GCLC: variants seen among roughly 807,000 people sequenced by gnomAD.
GCLC encodes glutamate--cysteine ligase catalytic subunit.
A neutral mutation model predicts 81.5 loss-of-function variants in GCLC; 30 were observed. The ratio of observed to expected loss-of-function variants is 0.37; its 90% CI spans 0.28 to 0.50. The LOEUF is 0.50. GCLC is among the 20% of genes least tolerant of loss of function. The pLI is 0.96. For synonymous variants in GCLC, 262 were observed against 273.3 expected, an observed-to-expected ratio of 0.96 and a Z score of 0.41; for missense variants, 556 against 777.4, an observed-to-expected ratio of 0.72 and a Z score of 3.39.
chr6:53,507,607 GTTC>G lies in GCLC; in HGVS notation c.954_956del (p.Lys318del). ...GGGATTTACTGATCCTATAGTTATT[GTTC>G]TTCAATGGCTAAAGATTAAAAATAT... On this transcript the variant is annotated inframe_deletion, in exon 9 of 16. Coordinates refer to ENST00000650454, the MANE Select transcript of GCLC (RefSeq NM_001498.4). The G allele has an allele frequency of 6.8e-7, 1 of 1,478,458 alleles. No homozygotes were observed. The highest frequency in any genetic ancestry group is 9.4e-7 in the Non-Finnish European group (1 of 1,058,994). 91.6% of individuals were successfully genotyped at this position (1,478,458 alleles called of 1,614,324 possible).
chr6:53,512,844 T>C (rs1394588420), intron 6 of GCLC: 1 of 152,210 alleles, frequency 6.6e-6, no homozygotes, highest in Non-Finnish European at 1.5e-5. Context: ...TGGTTTAATA[T>C]TAAACCAAGA....
At chr6:53,521,897 C>T (rs748744330) in intron 2 of GCLC, among the ~76,000 whole-genome samples, 2 of 152,152 alleles carry the variant, frequency 1.3e-5, no homozygotes, top group Non-Finnish European at 2.9e-5. Flanking sequence ...TGGCGTGAAG[C>T]CAGGAGGTGG....
chr6:53,539,593 G>A (rs974819447), intron 1 of GCLC, among the ~76,000 whole-genome samples: 13 of 146,860 alleles, frequency 8.9e-5, no homozygotes, highest in Admixed American at 3.5e-4. Flanking sequence ...CCTATGGCGC[G>A]TTTTAAGTTC....
In GCLC at chr6:53,544,877, A is replaced by C; in HGVS notation, c.-232T>G. 2.6e-6 allele frequency: 1 copy of C among 378,602 alleles called. No individual in the cohort carries two copies. Among genetic ancestry groups the C allele is most frequent in the Non-Finnish European group, 4.7e-6 (1 of 213,382 alleles). 23.5% of individuals were successfully genotyped at this position (378,602 alleles called of 1,614,324 possible). ...CGACGCACCGCGCGGAGGCGAAGGCAGAAGACCGAGAGCAGGCGGGACGGC... is the reference window on the plus strand; with the variant it reads ...CGACGCACCGCGCGGAGGCGAAGGCCGAAGACCGAGAGCAGGCGGGACGGC... On this transcript the variant is annotated 5_prime_UTR_variant, in exon 1 of 16. Transcript: ENST00000650454.
intron 3 of GCLC, among the ~76,000 whole-genome samples, chr6:53,519,548 C>G (rs1762948544): frequency 6.6e-6 from 1 of 152,156 alleles, no homozygotes; most frequent in East Asian, 1.9e-4. Flanking sequence ...CTTCAACCCC[C>G]CAGCTCCACA....
At chr6:53,526,725 G>A (rs955735028) in intron 1 of GCLC, among the ~76,000 whole-genome samples, 1 of 150,888 alleles carries the variant, frequency 6.6e-6, no homozygotes, top group Non-Finnish European at 1.5e-5. Context: ...GTGAACTCAG[G>A]AGGCAGAGCT....
At chr6:53,538,379 T>C (rs1390177709) in intron 1 of GCLC, among the ~76,000 whole-genome samples, 1 of 150,294 alleles carries the variant, frequency 6.7e-6, no homozygotes, top group Admixed American at 6.7e-5. Context: ...CAGGCTGGAG[T>C]GCAGTGGCGC....
At chr6:53,521,409 C>T (rs1192905721) in intron 2 of GCLC, among the ~76,000 whole-genome samples, 2 of 152,086 alleles carry the variant, frequency 1.3e-5, no homozygotes, top group Non-Finnish European at 2.9e-5. Flanking sequence ...CCTGCCTCGG[C>T]CTCCCAAAGT....
At chr6:53,535,670 T>C (rs1763245997) in intron 1 of GCLC, among the ~76,000 whole-genome samples, 1 of 152,140 alleles carries the variant, frequency 6.6e-6, no homozygotes, top group Non-Finnish European at 1.5e-5. Flanking sequence ...TTTAACACAC[T>C]TCACAAAAAA....
intron 1 of GCLC, among the ~76,000 whole-genome samples, chr6:53,530,549 G>A (rs1321940852): frequency 6.6e-6 from 1 of 152,176 alleles, no homozygotes. Context: ...ATCAAATGAG[G>A]TCAGCCTGAT....
At chr6:53,512,250 C>A (rs1764767643) in intron 6 of GCLC, among the ~76,000 whole-genome samples, 1 of 152,110 alleles carries the variant, frequency 6.6e-6, no homozygotes, top group Admixed American at 6.5e-5. Context: ...TGGCTGTGAA[C>A]TTGGTGCTTT....
intron 4 of GCLC, among the ~76,000 whole-genome samples, chr6:53,514,720 GT>G (rs1303910969): frequency 6.6e-6 from 1 of 152,162 alleles, no homozygotes; most frequent in African/African-American, 2.4e-5. Flanking sequence ...CGAGAATGCC[GT>G]TCTGTCTCCT....
Position 53,520,972 on chromosome 6 carries a change from A to G in GCLC, c.264-12T>C. ...AAAGGGTAGGATGGCTACGGAGGAG[A>G]AATAACTTAGTTCCATCTTATTCTT... is the stretch of plus-strand genomic sequence containing the variant. On this transcript the variant is annotated splice_polypyrimidine_tract_variant and intron_variant, in intron 2 of 15. Coordinates refer to ENST00000650454, the MANE Select transcript of GCLC (RefSeq NM_001498.4). The G allele has an allele frequency of 6.2e-7, 1 of 1,604,178 alleles. No individual in the cohort carries two copies.
intron 8 of GCLC, 73 bp from the exon 9 acceptor site, chr6:53,507,691 T>C: frequency 1.5e-6 from 1 of 646,008 alleles, no homozygotes; most frequent in Non-Finnish European, 2.5e-6. Flanking sequence ...ATATGATAAT[T>C]ATATAAAAAC....
chr6:53,501,105 G>A (rs765635512), intron 12 of GCLC: 28 of 168,406 alleles, frequency 1.7e-4, no homozygotes, highest in Non-Finnish European at 2.8e-4. Context: ...TTTTAGTAGA[G>A]ACGGGGTTTC....
chr6:53,543,966 A>AGT (rs909904661), intron 1 of GCLC, among the ~76,000 whole-genome samples: 3 of 152,178 alleles, frequency 2.0e-5, no homozygotes, highest in Admixed American at 2.0e-4. Context: ...ATAGCTATGA[A>AGT]GTGTGTGTGT....
At chr6:53,522,922 G>T in intron 1 of GCLC, 2 of 229,018 alleles carry the variant, frequency 8.7e-6, no homozygotes, top group Admixed American at 5.2e-5. Context: ...GAGGTTATCT[G>T]GACATTCCAG....
intron 1 of GCLC, among the ~76,000 whole-genome samples, chr6:53,533,966 G>T (rs894393300): frequency 1.3e-5 from 2 of 151,932 alleles, no homozygotes; most frequent in Non-Finnish European, 2.9e-5. Flanking sequence ...AGCTAATTTT[G>T]TATTTTTAGT....
intron 1 of GCLC, among the ~76,000 whole-genome samples, chr6:53,538,322 T>C (rs533595900): frequency 1.4e-5 from 2 of 141,580 alleles, no homozygotes; most frequent in South Asian, 4.8e-4. Context: ...TGGCAAGCTA[T>C]GCATTTTCTT....
Sources: allele counts gnomAD v4.1 joint callset (sites outside exome capture counted in the v4.1 genomes callset), GRCh38; gene constraint gnomAD v4.1.1; transcripts MANE v1.5; gene names NCBI Gene and HGNC (gene_info 2026-07-23, HGNC 2026-07-21).